Variants in SRBD1 observed in about 807,000 individuals in gnomAD.
SRBD1 encodes the protein S1 RNA binding domain 1.
In SRBD1, 88 loss-of-function variants were observed where a neutral mutation model predicts 115.3. That is an observed-to-expected ratio of 0.76 (90% CI 0.64 to 0.91). SRBD1 has a LOEUF of 0.91. SRBD1 is among the 40% of genes least tolerant of loss of function. The pLI is 0.00. For missense variants in SRBD1, 1,385 were observed against 1,177.4 expected (o/e 1.18, Z -2.58); for synonymous variants, 509 against 407.7 (o/e 1.25, Z -2.99).
chr2:45,586,860 T>A (rs1402245118), intron 4 of SRBD1, among the ~76,000 whole-genome samples: 1 of 149,974 alleles, frequency 6.7e-6, no homozygotes, highest in Non-Finnish European at 1.5e-5. Flanking sequence ...AATTATTTTT[T>A]AAAATATTTG....
At chr2:45,558,793 G>A (rs1262480106) in intron 10 of SRBD1, among the ~76,000 whole-genome samples, 3 of 147,598 alleles carry the variant, frequency 2.0e-5, no homozygotes, top group Admixed American at 1.4e-4. Flanking sequence ...CTGGGTTCAA[G>A]CAATTCTCCT....
chr2:45,483,510 G>T (rs908056446), intron 15 of SRBD1, among the ~76,000 whole-genome samples: 4 of 152,014 alleles, frequency 2.6e-5, no homozygotes, highest in Non-Finnish European at 5.9e-5. Context: ...AGAATAAAAA[G>T]AATGTCATGG....
At chr2:45,551,005 G>C (rs1290848321) in intron 12 of SRBD1, 120 bp downstream of exon 12, 1 of 1,267,246 alleles carries the variant, frequency 7.9e-7, no homozygotes. Flanking sequence ...CCCTGTATGT[G>C]AGAAAACCAC....
chr2:45,521,419 T>C (rs1201021761), intron 14 of SRBD1, among the ~76,000 whole-genome samples: 1 of 151,872 alleles, frequency 6.6e-6, no homozygotes, highest in Non-Finnish European at 1.5e-5. Context: ...AACATCTTAG[T>C]CACTAGGGAA....
intron 1 of SRBD1, among the ~76,000 whole-genome samples, chr2:45,609,219 G>T (rs1674370076): frequency 6.6e-6 from 1 of 152,186 alleles, no homozygotes; most frequent in South Asian, 2.1e-4. Flanking sequence ...CTACAATCAA[G>T]AAAATGAACA....
chr2:45,605,335 A>G (rs1674232355), intron 2 of SRBD1, 27 bp downstream of exon 2: 1 of 1,582,676 alleles, frequency 6.3e-7, no homozygotes, highest in Non-Finnish European at 8.7e-7. Context: ...TCATTCCCCT[A>G]CCCACATATT....
chr2:45,393,305 A>C (rs1667057749), intron 19 of SRBD1, among the ~76,000 whole-genome samples, 176 bp from the exon 20 acceptor site: 1 of 152,196 alleles, frequency 6.6e-6, no homozygotes, highest in Admixed American at 6.5e-5. Context: ...GAAAAGGCTG[A>C]GGGAGAGGGA....
At chr2:45,425,166 A>G (rs755411605) in intron 16 of SRBD1, among the ~76,000 whole-genome samples, 1 of 152,092 alleles carries the variant, frequency 6.6e-6, no homozygotes, top group Non-Finnish European at 1.5e-5. Flanking sequence ...TGTTTTTCCA[A>G]TTGAAGCAGT....
intron 14 of SRBD1, among the ~76,000 whole-genome samples, chr2:45,537,888 A>G (rs959151014): frequency 1.3e-5 from 2 of 152,214 alleles, no homozygotes; most frequent in Non-Finnish European, 2.9e-5. Flanking sequence ...GAAGGCAAGG[A>G]TGGGTAAGAA....
chr2:45,538,036 G>T (rs1000181061), intron 14 of SRBD1, among the ~76,000 whole-genome samples: 5 of 152,190 alleles, frequency 3.3e-5, no homozygotes, highest in East Asian at 1.9e-4. Flanking sequence ...GAAGTGTATG[G>T]TAGGCTTTCA....
intron 5 of SRBD1, among the ~76,000 whole-genome samples, chr2:45,582,070 T>C (rs1396498380): frequency 6.6e-6 from 1 of 152,216 alleles, no homozygotes; most frequent in Non-Finnish European, 1.5e-5. Context: ...AATGCAGAGC[T>C]CATTCAGGTT....
intron 9 of SRBD1, among the ~76,000 whole-genome samples, chr2:45,568,652 C>T (rs550379796): frequency 3.2e-4 from 48 of 152,258 alleles, no homozygotes; most frequent in Non-Finnish European, 5.4e-4. Flanking sequence ...TTGCTACACA[C>T]ACTAGTTAAA....
chr2:45,395,412 C>T lies in SRBD1; in HGVS notation c.2514-2283G>A, dbSNP rs148671122. 2.4e-3 allele frequency among the ~76,000 whole-genome samples: 367 copies of T among 152,216 alleles called. 1 individual carries two copies. The highest frequency in any genetic ancestry group is 0.014 in the Middle Eastern group (4 of 294). Reference sequence around the variant, plus strand: ...AGAGGGAGAGAGGAACTAACTACTACCAAAGTCACTTCCAAATAAAGAATT... The same window carrying T: ...AGAGGGAGAGAGGAACTAACTACTATCAAAGTCACTTCCAAATAAAGAATT... On this transcript the variant is annotated intron_variant, in intron 19 of 20. Transcript: ENST00000263736.
intron 10 of SRBD1, among the ~76,000 whole-genome samples, chr2:45,559,151 T>A (rs1672579463): frequency 1.3e-5 from 2 of 152,304 alleles, no homozygotes; most frequent in East Asian, 1.9e-4. Context: ...TAAGCTACCA[T>A]AATCTCTTGT....
intron 1 of SRBD1, among the ~76,000 whole-genome samples, chr2:45,605,912 A>G (rs1322538411): frequency 6.6e-6 from 1 of 151,518 alleles, no homozygotes; most frequent in Non-Finnish European, 1.5e-5. Context: ...TCAAAAAAAA[A>G]AAAAAAAGAA....
intron 14 of SRBD1, among the ~76,000 whole-genome samples, chr2:45,537,850 C>A (rs971377155): frequency 5.3e-5 from 8 of 152,056 alleles, no homozygotes; most frequent in African/African-American, 1.4e-4. Flanking sequence ...GGAAGAGCTA[C>A]CTCTGACAGC....
chr2:45,486,444 T>C (rs531694876), intron 15 of SRBD1, among the ~76,000 whole-genome samples: 4 of 152,298 alleles, frequency 2.6e-5, no homozygotes, highest in African/African-American at 9.6e-5. Context: ...GAAGTGGGGA[T>C]AGGCTGGGTG....
chr2:45,451,809 T>G (rs1387350177), intron 16 of SRBD1, among the ~76,000 whole-genome samples: 1 of 151,858 alleles, frequency 6.6e-6, no homozygotes, highest in Non-Finnish European at 1.5e-5. Context: ...CAATTGTCTG[T>G]CTGGGCAGTA....
intron 14 of SRBD1, among the ~76,000 whole-genome samples, chr2:45,538,561 C>T (rs1332873648): frequency 6.6e-6 from 1 of 152,216 alleles, no homozygotes; most frequent in Non-Finnish European, 1.5e-5. Flanking sequence ...GATATTTCAA[C>T]TGCTGAAATG....
Sources: allele counts gnomAD v4.1 joint callset (sites outside exome capture counted in the v4.1 genomes callset), GRCh38; gene constraint gnomAD v4.1.1; transcripts MANE v1.5; gene names NCBI Gene and HGNC (gene_info 2026-07-23, HGNC 2026-07-21).